The following NUP133 variants were observed in gnomAD, a reference collection of about 807,000 sequenced individuals.
NUP133 encodes the protein nuclear pore complex protein Nup133.
A neutral mutation model predicts 146.2 loss-of-function variants in NUP133; 66 were observed. The observed-to-expected ratio is 0.45, with a 90% CI of 0.37 to 0.55. The LOEUF is 0.55. Among genes scored for constraint, NUP133 ranks in the 20% least tolerant of loss-of-function variants. NUP133 has a pLI of 0.00. For missense variants in NUP133, 1,277 were observed against 1,374.8 expected (o/e 0.93, Z 1.12); for synonymous variants, 521 against 498.8 (o/e 1.04, Z -0.59).
In NUP133 at chr1:229,453,426, A is replaced by G. The variant is rs74923421; in HGVS notation, c.2981-783T>C. On this transcript the variant is annotated intron_variant, in intron 21 of 25. Transcript: ENST00000261396. ...GTCTAGCATCACCTAGTGGCACTTC[A>G]TATGAGTCTCAAGGTGTTATTTAAG... Among the ~76,000 whole-genome samples, 1,363 of 140,916 alleles carry G rather than the reference A, an allele frequency of 9.7e-3. 19 individuals are homozygous for G. Among genetic ancestry groups the G allele is most frequent in the African/African-American group, 0.041 (1,285 of 31,524 alleles). 92.4% of individuals were successfully genotyped at this position (140,916 alleles called of 152,430 possible).
chr1:229,464,562 A>G (rs1387842747), intron 18 of NUP133, 62 bp downstream of exon 18: 5 of 1,556,556 alleles, frequency 3.2e-6, no homozygotes, highest in Non-Finnish European at 4.4e-6. Flanking sequence ...TACTGAATTA[A>G]CTATTCAACC....
intron 16 of NUP133, 54 bp downstream of exon 16, chr1:229,466,580 G>T: frequency 1.2e-6 from 2 of 1,600,758 alleles, no homozygotes; most frequent in Middle Eastern, 1.7e-4. Context: ...CCAGTTCCTT[G>T]TCTATCCATG....
chr1:229,447,625 T>C (rs1660340093), intron 24 of NUP133, among the ~76,000 whole-genome samples: 1 of 152,130 alleles, frequency 6.6e-6, no homozygotes, highest in Non-Finnish European at 1.5e-5. Flanking sequence ...GAAGGTTAAA[T>C]TGGTCACCAA....
chr1:229,444,363 T>C (rs548264735), intron 25 of NUP133, among the ~76,000 whole-genome samples: 75 of 152,072 alleles, frequency 4.9e-4, no homozygotes, highest in Non-Finnish European at 8.1e-4. Flanking sequence ...TCCACTGTTC[T>C]TGTCCTTTAT....
At position 229,441,809 on chromosome 1, in the gene NUP133, T is replaced by A. The variant is rs1660188889; in HGVS notation, c.*95A>T. 2 of 1,014,128 alleles carry A rather than the reference T, an allele frequency of 2.0e-6. No homozygotes were observed. Among genetic ancestry groups the A allele is most frequent in the African/African-American group, 1.6e-5 (1 of 60,614 alleles). 62.8% of individuals were successfully genotyped at this position (1,014,128 alleles called of 1,614,324 possible). A position where few individuals can be genotyped will look rare whatever the true frequency, so the allele number is the denominator to read the frequency against. On this transcript the variant is annotated 3_prime_UTR_variant, in exon 26 of 26. Coordinates refer to ENST00000261396, the MANE Select transcript of NUP133 (RefSeq NM_018230.3). ...TATAAAAACTCAGCTATACATGTTA[T>A]GAAATTGTACAAACTTACACTTGTT...
chr1:229,465,477 A>C lies in NUP133; in HGVS notation c.2242T>G (p.Ser748Ala), dbSNP rs1558094717. Residue 748 changes from serine to alanine, a missense_variant, in exon 17 of 26, where the codon TCT (serine) becomes GCT (alanine). Transcript: ENST00000261396. Reference protein sequence around the residue: ...AASHYRQNRNSLYRREESLEK... With the variant: ...AASHYRQNRNALYRREESLEK... Reference sequence around the variant, plus strand: ...AGTGATTCTTCTCTTCTATACAAAGAGTTTCTATTTTGGCGATAATGACTA... The same window carrying C: ...AGTGATTCTTCTCTTCTATACAAAGCGTTTCTATTTTGGCGATAATGACTA... The C allele has an allele frequency of 6.2e-7, 1 of 1,614,000 alleles. No individual in the cohort carries two copies. Among genetic ancestry groups the C allele is most frequent in the Admixed American group, 1.7e-5 (1 of 60,006 alleles).
At chr1:229,475,892 G>A (rs766270441) in intron 13 of NUP133, among the ~76,000 whole-genome samples, 160 bp from the exon 14 acceptor site, 23 of 152,114 alleles carry the variant, frequency 1.5e-4, no homozygotes, top group Admixed American at 7.9e-4. Flanking sequence ...GGCAGATCAC[G>A]AGGTCAAGAG....
At chr1:229,451,281 C>A (rs559039735) in intron 22 of NUP133, among the ~76,000 whole-genome samples, 6 of 152,004 alleles carry the variant, frequency 3.9e-5, no homozygotes, top group Middle Eastern at 3.4e-3. Context: ...CACCTGTGGT[C>A]CCAGCTACTC....
intron 12 of NUP133, among the ~76,000 whole-genome samples, chr1:229,479,388 C>T (rs868222023): frequency 6.6e-6 from 1 of 152,140 alleles, no homozygotes; most frequent in East Asian, 1.9e-4. Context: ...TATATTGTTA[C>T]GGTTGTTTTA....
chr1:229,447,930 C>A (rs977603887), intron 24 of NUP133, among the ~76,000 whole-genome samples: 1 of 152,100 alleles, frequency 6.6e-6, no homozygotes, highest in Admixed American at 6.5e-5. Flanking sequence ...TCACAGTGAC[C>A]CCACTGATAA....
At chr1:229,472,034 A>C (rs1028216819) in intron 14 of NUP133, among the ~76,000 whole-genome samples, 1 of 152,166 alleles carries the variant, frequency 6.6e-6, no homozygotes, top group African/African-American at 2.4e-5. Context: ...TTTTAGGTGT[A>C]ATCGGCCAGG....
intron 11 of NUP133, 47 bp downstream of exon 11, chr1:229,486,324 A>T: frequency 6.6e-7 from 1 of 1,524,514 alleles, no homozygotes; most frequent in South Asian, 1.3e-5. Context: ...ACTATCTCTA[A>T]AAAATAAATA....
chr1:229,458,796 G>T (rs1211935770), intron 20 of NUP133, among the ~76,000 whole-genome samples: 3 of 145,956 alleles, frequency 2.1e-5, no homozygotes, highest in Admixed American at 1.4e-4. Context: ...CTCAACCTTC[G>T]CCTCCCGGGT....
chr1:229,468,923 C>A (rs551047292), intron 15 of NUP133, among the ~76,000 whole-genome samples: 1 of 152,156 alleles, frequency 6.6e-6, no homozygotes, highest in South Asian at 2.1e-4. Context: ...AGGAACTAAC[C>A]CAAATGCATA....
At position 229,464,830 on chromosome 1, in the gene NUP133, T is replaced by A; in HGVS notation, c.2345A>T (p.His782Leu). Residue 782 changes from histidine to leucine, a missense_variant, in exon 18 of 26, where the codon CAT becomes CTT. By Grantham distance (99) the His-to-Leu change is moderately conservative. This residue lies in a region of NUP133 where 952 missense variants were observed against 1,047.0 expected (regional missense o/e 0.91). Coordinates refer to ENST00000261396, the MANE Select transcript of NUP133 (RefSeq NM_018230.3). ...GGIRTVIIRQ[H>L]EIVLKVAYPQ... ...ATAAGCCACCTTCAGGACAATCTCA[T>A]GCTGGCGTATTATTACCGTTCGGAT... The A allele has an allele frequency of 6.2e-7, 1 of 1,614,238 alleles. No individual in the cohort carries two copies. Among genetic ancestry groups the A allele is most frequent in the Non-Finnish European group, 8.5e-7 (1 of 1,180,042 alleles).
chr1:229,494,244 T>C (rs1661596165), intron 8 of NUP133, among the ~76,000 whole-genome samples: 1 of 152,236 alleles, frequency 6.6e-6, no homozygotes, highest in South Asian at 2.1e-4. Context: ...AGGTAAACTG[T>C]ATTTAATTAA....
At chr1:229,493,866 C>CT (rs1404262925) in intron 8 of NUP133, among the ~76,000 whole-genome samples, 1 of 152,196 alleles carries the variant, frequency 6.6e-6, no homozygotes, top group Non-Finnish European at 1.5e-5. Context: ...GGCGTGGTGG[C>CT]TGACACCTGC....
chr1:229,508,024 C>T (rs768544421), intron 1 of NUP133, 44 bp downstream of exon 1: 1 of 1,416,524 alleles, frequency 7.1e-7, no homozygotes, highest in Non-Finnish European at 9.3e-7. Flanking sequence ...CACTGCGGCC[C>T]GTGAGGCTGT....
Position 229,486,444 on chromosome 1 carries a change from C to G in NUP133, c.1427G>C (p.Arg476Thr). 6.2e-7 allele frequency: 1 copy of G among 1,610,678 alleles called. No homozygotes were observed. The highest frequency in any genetic ancestry group is 8.5e-7 in the Non-Finnish European group (1 of 1,178,978). The change falls in exon 11 of 26, where the codon AGG becomes ACG. Residue 476 changes from arginine (R) to threonine (T), a missense_variant. Arg to Thr is a moderately conservative substitution (Grantham distance 71). Coordinates refer to ENST00000261396, the MANE Select transcript of NUP133 (RefSeq NM_018230.3). ...RNSGLVSITS[R>T]ENVSILAEDL... ...TTCTGCCAATATAGACACATTTTCC[C>G]TTGAAGTAATAGACACCAGTCCACT...
Sources: allele counts gnomAD v4.1 joint callset (sites outside exome capture counted in the v4.1 genomes callset), GRCh38; gene constraint gnomAD v4.1.1; regional missense constraint gnomAD v4.1.1; transcripts MANE v1.5; gene names NCBI Gene and HGNC (gene_info 2026-07-23, HGNC 2026-07-21).